DLGAP3: variants seen among roughly 807,000 people sequenced by gnomAD.
DLGAP3 encodes DLG associated protein 3.
DLGAP3 carries 17 observed loss-of-function variants against 81.2 expected under a neutral mutation model. The observed-to-expected ratio is 0.21, with a 90% CI of 0.14 to 0.31. DLGAP3 has a LOEUF of 0.31. Ranked by LOEUF, DLGAP3 falls within the 10% of genes least tolerant of loss-of-function variation. The pLI is 1.00. For synonymous variants in DLGAP3, 577 were observed against 587.4 expected (o/e 0.98, Z 0.26); for missense variants, 1,124 against 1,388.0 (o/e 0.81, Z 3.02).
chr1:34,868,788 C>A lies in DLGAP3; in HGVS notation c.2302G>T (p.Ala768Ser), dbSNP rs1374339514. 1 of 1,586,036 alleles carries A rather than the reference C, an allele frequency of 6.3e-7. No individual in the cohort carries two copies. Among genetic ancestry groups the A allele is most frequent in the South Asian group, 1.1e-5 (1 of 89,502 alleles). ...PAPAPTPGPG[A>S]GRRDSWIERG... The stretch of plus-strand genomic sequence containing the variant: ...TCTATCCAGGAGTCACGGCGGCCGG[C>A]CCCAGGGCCGGGGGTGGGGGCGGGG... Residue 768 changes from alanine (A) to serine (S), a missense_variant, in exon 9 of 12, where the codon GCC (alanine) becomes TCC (serine). Around this residue, in one of 9 missense-constraint regions of DLGAP3, gnomAD observed 379 missense variants for 455.7 expected, o/e 0.83. Transcript: ENST00000373347. The surrounding 1 kb of genome is among the most constrained non-coding windows in gnomAD (Gnocchi z 7.5).
chr1:34,870,876 T>C (rs1569594581), intron 8 of DLGAP3, among the ~76,000 whole-genome samples: 1 of 152,380 alleles, frequency 6.6e-6, no homozygotes, highest in East Asian at 1.9e-4. Flanking sequence ...TTTCTCACTG[T>C]GTGCCTTTGT....
intron 8 of DLGAP3, among the ~76,000 whole-genome samples, chr1:34,881,307 T>A (rs2148399326): frequency 6.6e-6 from 1 of 152,348 alleles, no homozygotes; most frequent in Non-Finnish European, 1.5e-5. Flanking sequence ...CTATGTAGTT[T>A]ACACCCTCCA....
chr1:34,890,918 T>C (rs1639301915), intron 5 of DLGAP3, among the ~76,000 whole-genome samples: 1 of 152,234 alleles, frequency 6.6e-6, no homozygotes, highest in South Asian at 2.1e-4. Flanking sequence ...AATTGTGACA[T>C]AAACAAAAAC....
rs866547644 is a variant in DLGAP3 at position 34,866,296 on chromosome 1, C to T, written c.2727G>A (p.Glu909=). Residue 909 remains glutamate, a synonymous_variant, in exon 12 of 12, where the codon GAG becomes GAA. Transcript: ENST00000373347. ...NSWKLLEPKE[E]KKVPPPIPKK... is the part of the protein sequence containing the mutation. ...TTGGTATCGGCGGAGGGACCTTCTT[C>T]TCCTCCTGCGGGGCAGAGGGCGTCG... 3 of 1,523,642 alleles carry T rather than the reference C, an allele frequency of 2.0e-6. No homozygotes were observed. Among genetic ancestry groups the T allele is most frequent in the Non-Finnish European group, 1.8e-6 (2 of 1,135,390 alleles). The allele number at this position is 1,523,642 out of a possible 1,614,324, so 94.4% of individuals were successfully genotyped here.
rs182376433 is a variant in DLGAP3 at position 34,884,964 on chromosome 1, C to A, written c.2000+14G>T. ...TCTCCCAGCGAAGCCTGGGCACTCC[C>A]ACCGTGACTTTACCTCTTGTCCTCT... On this transcript the variant is annotated intron_variant, in intron 8 of 11. Transcript: ENST00000373347. 1 of 1,604,514 alleles carries A rather than the reference C, an allele frequency of 6.2e-7. No individual in the cohort carries two copies. Among genetic ancestry groups the A allele is most frequent in the South Asian group, 1.1e-5 (1 of 90,656 alleles).
intron 5 of DLGAP3, among the ~76,000 whole-genome samples, chr1:34,897,463 A>T (rs1209074811): frequency 6.6e-6 from 1 of 152,140 alleles, no homozygotes; most frequent in Non-Finnish European, 1.5e-5. Context: ...AGGCAAAGGT[A>T]GTGGCAAATG....
chr1:34,869,131 A>C, intron 8 of DLGAP3, 42 bp from the exon 9 acceptor site: 2 of 1,458,464 alleles, frequency 1.4e-6, no homozygotes, highest in Non-Finnish European at 9.3e-7. Flanking sequence ...GCCCAGGCTC[A>C]TGCCAGCTCT....
chr1:34,881,564 G>A (rs550296820), intron 8 of DLGAP3, among the ~76,000 whole-genome samples: 1 of 152,026 alleles, frequency 6.6e-6, no homozygotes, highest in African/African-American at 2.4e-5. Flanking sequence ...GAAGGAGCCT[G>A]GAGTTCTGAC....
Position 34,867,478 on chromosome 1 carries a change from G to T in DLGAP3, c.2577+58C>A. 1 of 1,456,954 alleles carries T rather than the reference G, an allele frequency of 6.9e-7. No homozygotes were observed. 90.3% of individuals were successfully genotyped at this position (1,456,954 alleles called of 1,614,324 possible). On this transcript the variant is annotated intron_variant, in intron 10 of 11. Coordinates refer to ENST00000373347, the MANE Select transcript of DLGAP3 (RefSeq NM_001080418.3). The surrounding 1 kb of genome is among the most constrained non-coding windows in gnomAD (Gnocchi z 4.3). Reference sequence around the variant, plus strand: ...GGGTCACCTGCCTGTCTCACCTCCAGCACACACACACTCTGGGTCACATGT... The same window carrying T: ...GGGTCACCTGCCTGTCTCACCTCCATCACACACACACTCTGGGTCACATGT...
At chr1:34,882,762 C>G (rs1639164625) in intron 8 of DLGAP3, among the ~76,000 whole-genome samples, 1 of 152,144 alleles carries the variant, frequency 6.6e-6, no homozygotes. Flanking sequence ...TACATGGCTA[C>G]TCATTACTCA....
At chr1:34,907,664 T>C (rs879259841) in intron 1 of DLGAP3, among the ~76,000 whole-genome samples, 4 of 152,202 alleles carry the variant, frequency 2.6e-5, no homozygotes, top group African/African-American at 9.7e-5. Flanking sequence ...CAACTGCAGG[T>C]GTCTGTGGGA....
intron 8 of DLGAP3, among the ~76,000 whole-genome samples, chr1:34,882,233 T>C (rs956445250): frequency 2.0e-5 from 3 of 152,154 alleles, no homozygotes; most frequent in Non-Finnish European, 4.4e-5. Context: ...TCCCAGCACT[T>C]TGGGAGGCCG....
intron 1 of DLGAP3, among the ~76,000 whole-genome samples, chr1:34,915,065 A>C (rs560424791): frequency 6.6e-6 from 1 of 152,158 alleles, no homozygotes; most frequent in Admixed American, 6.5e-5. Context: ...CTGGAAGGGA[A>C]AGCCAGCAAC....
intron 8 of DLGAP3, among the ~76,000 whole-genome samples, chr1:34,869,381 C>A (rs1171816270): frequency 6.6e-6 from 1 of 151,970 alleles, no homozygotes; most frequent in African/African-American, 2.4e-5. Context: ...CAAAATGCTG[C>A]AGCAGTGCCC....
intron 11 of DLGAP3, 37 bp from the exon 12 acceptor site, chr1:34,866,338 AAC>A (rs760132153): frequency 9.7e-5 from 142 of 1,458,718 alleles, no homozygotes; most frequent in Middle Eastern, 7.3e-4. Flanking sequence ...TGGGGCGCCG[AAC>A]CATCCCAACA....
intron 8 of DLGAP3, among the ~76,000 whole-genome samples, chr1:34,869,836 A>C (rs987568107): frequency 5.3e-5 from 8 of 152,214 alleles, no homozygotes; most frequent in African/African-American, 1.7e-4. Context: ...GCTGCACTAG[A>C]GTGTCCTCAG....
intron 1 of DLGAP3, among the ~76,000 whole-genome samples, chr1:34,909,876 T>G (rs146050382): frequency 1.3e-5 from 2 of 152,302 alleles, no homozygotes; most frequent in East Asian, 3.9e-4. Context: ...ACCAAATCAC[T>G]GTTGGCTGAC....
At chr1:34,903,318 T>C (rs781199418) in intron 3 of DLGAP3, among the ~76,000 whole-genome samples, 36 of 152,212 alleles carry the variant, frequency 2.4e-4, no homozygotes, top group Admixed American at 9.8e-4. Context: ...CTTCCTTGTC[T>C]ATTCCCACTC....
chr1:34,879,370 A>G (rs1639111225), intron 8 of DLGAP3, among the ~76,000 whole-genome samples: 1 of 152,166 alleles, frequency 6.6e-6, no homozygotes, highest in Non-Finnish European at 1.5e-5. Flanking sequence ...CGCAGTTCAC[A>G]ATAGGGTTCA....
Sources: allele counts gnomAD v4.1 joint callset (sites outside exome capture counted in the v4.1 genomes callset), GRCh38; gene constraint gnomAD v4.1.1; regional missense constraint gnomAD v4.1.1; non-coding constraint Gnocchi (gnomAD v3.1); transcripts MANE v1.5; gene names NCBI Gene and HGNC (gene_info 2026-07-23, HGNC 2026-07-21).